TOLLIP: variants seen among roughly 807,000 people sequenced by gnomAD.
TOLLIP encodes toll interacting protein.
TOLLIP carries 16 observed loss-of-function variants against 33.5 expected under a neutral mutation model. The ratio of observed to expected loss-of-function variants is 0.48; its 90% CI spans 0.32 to 0.72. TOLLIP has a LOEUF of 0.72. TOLLIP is among the 30% of genes least tolerant of loss of function. The pLI is 0.03. For synonymous variants in TOLLIP, 176 were observed against 163.7 expected, an observed-to-expected ratio of 1.07 and a Z score of -0.57; for missense variants, 325 against 396.6, an observed-to-expected ratio of 0.82 and a Z score of 1.53.
chr11:1,304,145 G>C (rs2133932537), intron 1 of TOLLIP, among the ~76,000 whole-genome samples: 1 of 152,168 alleles, frequency 6.6e-6, no homozygotes, highest in Admixed American at 6.5e-5. Flanking sequence ...CCGGAGGAAG[G>C]GACATCCACT....
chr11:1,308,009 T>C (rs1200696097), intron 1 of TOLLIP, among the ~76,000 whole-genome samples: 1 of 152,232 alleles, frequency 6.6e-6, no homozygotes, highest in Non-Finnish European at 1.5e-5. Context: ...AGTACTGGGC[T>C]GCGCGAGGGC....
At chr11:1,304,058 C>CCTCA (rs1864358690) in intron 1 of TOLLIP, among the ~76,000 whole-genome samples, 1 of 148,326 alleles carries the variant, frequency 6.7e-6, no homozygotes, top group South Asian at 2.1e-4. Flanking sequence ...AAAAAAAAGA[C>CCTCA]CTCAAGTGAA....
rs568733448 is a variant in TOLLIP at position 1,278,770 on chromosome 11, T to C, written c.611-1517A>G. Among the ~76,000 whole-genome samples, 1 of 152,314 alleles carries C rather than the reference T, an allele frequency of 6.6e-6. No homozygotes were observed. Among genetic ancestry groups the C allele is most frequent in the East Asian group, 1.9e-4 (1 of 5,166 alleles). ...CAATGACGGAAAACGAACCGAACCATGGCCAGGTGGGGACGTGGCCACCCT... is the reference window on the plus strand; with the variant it reads ...CAATGACGGAAAACGAACCGAACCACGGCCAGGTGGGGACGTGGCCACCCT... On this transcript the variant is annotated intron_variant, in intron 5 of 5. Transcript: ENST00000317204. The surrounding 1 kb of genome is among the most constrained non-coding windows in gnomAD (Gnocchi z 4.7).
At chr11:1,291,495 T>A (rs1863941066) in intron 2 of TOLLIP, among the ~76,000 whole-genome samples, 1 of 49,698 alleles carries the variant, frequency 2.0e-5, no homozygotes. Flanking sequence ...CCAACCCCCC[T>A]CTGAGAGTAC....
chr11:1,304,599 T>C lies in TOLLIP; in HGVS notation c.33+4867A>G, dbSNP rs5743890. On this transcript the variant is annotated intron_variant, in intron 1 of 5. Transcript: ENST00000317204. Reference sequence around the variant, plus strand: ...GGAGGTGGCACAGACAATGATTAACTTCTTCTTTATTTATTCTTTAGCCGG... The same window carrying C: ...GGAGGTGGCACAGACAATGATTAACCTCTTCTTTATTTATTCTTTAGCCGG... Among the ~76,000 whole-genome samples the C allele has an allele frequency of 0.096, 14,636 of 152,302 alleles. 938 individuals carry two copies. The highest frequency in any genetic ancestry group is 0.15 in the Non-Finnish European group (10,165 of 68,014).
chr11:1,280,256 T>C (rs1863449090), intron 5 of TOLLIP, among the ~76,000 whole-genome samples: 1 of 152,240 alleles, frequency 6.6e-6, no homozygotes. Context: ...GGGTGAGCCC[T>C]TGGCTGGCCC....
At chr11:1,281,747 C>A (rs1209013846) in intron 5 of TOLLIP, among the ~76,000 whole-genome samples, 1 of 152,282 alleles carries the variant, frequency 6.6e-6, no homozygotes, top group African/African-American at 2.4e-5. Flanking sequence ...CCAGGCAGAG[C>A]ACGCGGCACA....
intron 1 of TOLLIP, 56 bp downstream of exon 1, chr11:1,309,410 C>T (rs2133940222): frequency 9.1e-7 from 1 of 1,099,432 alleles, no homozygotes; most frequent in Non-Finnish European, 1.2e-6. Flanking sequence ...TGACCCAAGG[C>T]CCCGCCCGCA....
chr11:1,290,173 G>GCAGCCACGCT lies in TOLLIP; in HGVS notation c.366+44_366+53dup, dbSNP rs141603148. The GCAGCCACGCT allele has an allele frequency of 2.5e-6, 4 of 1,572,508 alleles. No individual in the cohort carries two copies. In the Admixed American group the frequency reaches 5.1e-5, roughly 20 times the overall value. ...CTGTGTTGGCAGGTGTGTCCCCACGGCAGCCACGCTCAGCCACGTGCAGCC... is the reference window on the plus strand; with the variant it reads ...CTGTGTTGGCAGGTGTGTCCCCACGGCAGCCACGCTCAGCCACGCTCAGCCACGTGCAGCC... On this transcript the variant is annotated intron_variant, in intron 3 of 5. Coordinates refer to ENST00000317204, the MANE Select transcript of TOLLIP (RefSeq NM_019009.4). The surrounding 1 kb of genome is among the most constrained non-coding windows in gnomAD (Gnocchi z 4.9).
rs1208175906 is a variant in TOLLIP, at chr11:1,280,630, T to G, written c.611-3377A>C. On this transcript the variant is annotated intron_variant, in intron 5 of 5. Transcript: ENST00000317204. ...CCACGGTGAGCACAGAATGAGCTCA[T>G]GCACACCCTGGTGCTGCCTATGCGG... 2.0e-5 allele frequency among the ~76,000 whole-genome samples: 3 copies of G among 152,050 alleles called. No individual in the cohort carries two copies. In the East Asian group the frequency reaches 5.8e-4, roughly 29 times the overall value.
At chr11:1,298,736 C>T (rs779593872) in intron 1 of TOLLIP, among the ~76,000 whole-genome samples, 2 of 152,260 alleles carry the variant, frequency 1.3e-5, no homozygotes, top group East Asian at 1.9e-4. Flanking sequence ...ATCAGCCCCA[C>T]GCAGCCCGGG....
chr11:1,291,268 A>G (rs1251330819), intron 2 of TOLLIP: 2 of 152,276 alleles, frequency 1.3e-5, no homozygotes, highest in Non-Finnish European at 2.9e-5. Context: ...GGCTGCCTGT[A>G]AAGCGTCCTG....
chr11:1,299,867 C>T (rs1024391534), intron 1 of TOLLIP, among the ~76,000 whole-genome samples: 3 of 152,212 alleles, frequency 2.0e-5, no homozygotes, highest in Admixed American at 6.5e-5. Context: ...CGCATCGCCA[C>T]GCGGCCTCAC....
intron 1 of TOLLIP, among the ~76,000 whole-genome samples, chr11:1,300,770 G>A (rs1356340155): frequency 6.6e-6 from 1 of 152,234 alleles, no homozygotes; most frequent in Non-Finnish European, 1.5e-5. Context: ...CCTGCCAGGA[G>A]ACATCACCCC....
At chr11:1,282,446 T>C (rs964109194) in intron 5 of TOLLIP, among the ~76,000 whole-genome samples, 6 of 150,480 alleles carry the variant, frequency 4.0e-5, no homozygotes, top group African/African-American at 1.2e-4. Context: ...ATTGCGCACA[T>C]GTACCCTAAA....
At position 1,290,504 on chromosome 11, in the gene TOLLIP, C is replaced by T. The variant is rs976472939; in HGVS notation, c.184-95G>A. On this transcript the variant is annotated intron_variant, in intron 2 of 5. Coordinates refer to ENST00000317204, the MANE Select transcript of TOLLIP (RefSeq NM_019009.4). The surrounding 1 kb of genome is among the most constrained non-coding windows in gnomAD (Gnocchi z 4.9). ...TGCCTCCCTGAACCCTTCCACGAGG[C>T]CTTTTCCTAACACATAGACTACAGC... 12 of 1,207,452 alleles carry T rather than the reference C, an allele frequency of 9.9e-6. No individual in the cohort carries two copies. In the African/African-American group the frequency reaches 1.1e-4, roughly 11 times the overall value. The allele number at this position is 1,207,452 out of a possible 1,614,324, so 74.8% of individuals were successfully genotyped here. A position where few individuals can be genotyped will look rare whatever the true frequency, so the allele number is the denominator to read the frequency against.
In TOLLIP at chr11:1,290,122, C is replaced by A; in HGVS notation, c.366+105G>T. The A allele has an allele frequency of 1.7e-6, 2 of 1,211,416 alleles. No individual in the cohort carries two copies. Among genetic ancestry groups the A allele is most frequent in the African/African-American group, 3.0e-5 (2 of 66,598 alleles). The allele number at this position is 1,211,416 out of a possible 1,614,324, so 75.0% of individuals were successfully genotyped here. ...CAATGAAACACCAGGTGGGGAGCCA[C>A]GCCTCGAAGCCAGCCAGGAACGTGG... On this transcript the variant is annotated intron_variant, in intron 3 of 5. Transcript: ENST00000317204. The surrounding 1 kb of genome is among the most constrained non-coding windows in gnomAD (Gnocchi z 4.9).
chr11:1,292,986 G>A (rs536793400), intron 2 of TOLLIP, among the ~76,000 whole-genome samples: 8 of 152,348 alleles, frequency 5.3e-5, no homozygotes, highest in Non-Finnish European at 8.8e-5. Context: ...CAGTGCCCAC[G>A]AGAAAGGCCC....
chr11:1,283,577 C>T (rs1329193456), intron 5 of TOLLIP: 4 of 455,980 alleles, frequency 8.8e-6, no homozygotes, highest in East Asian at 6.9e-5. Context: ...AAGTGCGGGG[C>T]TGTTCCAAAA....
Sources: allele counts gnomAD v4.1 joint callset (sites outside exome capture counted in the v4.1 genomes callset), GRCh38; gene constraint gnomAD v4.1.1; non-coding constraint Gnocchi (gnomAD v3.1); transcripts MANE v1.5; gene names NCBI Gene and HGNC (gene_info 2026-07-23, HGNC 2026-07-21).